Variants in COL5A1 observed in about 807,000 individuals in gnomAD.
The protein encoded by COL5A1 is collagen alpha-1(V) chain.
Under a neutral mutation model 263.7 loss-of-function variants are expected in COL5A1, and 16 were observed. That is an observed-to-expected ratio of 0.06 (90% CI 0.04 to 0.09). The LOEUF is 0.09. Among genes scored for constraint, COL5A1 ranks in the 10% least tolerant of loss-of-function variants. COL5A1 has a pLI of 1.00. For missense variants in COL5A1, 2,036 were observed against 2,540.5 expected (o/e 0.80, Z 4.27); for synonymous variants, 1,012 against 1,004.5 (o/e 1.01, Z -0.14).
Position 134,662,563 on chromosome 9 carries a change from C to T in COL5A1, c.109+20267C>T, listed in dbSNP as rs4841921. On this transcript the variant is annotated intron_variant, in intron 1 of 65. Coordinates refer to ENST00000371817, the MANE Select transcript of COL5A1 (RefSeq NM_000093.5). ...GAATCTCTCCAGTGGGGACATTCCG[C>T]GCTCCTTGGGTGATGGGAGGCTGAG... Among the ~76,000 whole-genome samples, 1,188 of 152,316 alleles carry T rather than the reference C, an allele frequency of 7.8e-3. 48 individuals are homozygous for T. Among genetic ancestry groups the T allele is most frequent in the Admixed American group, 0.069 (1,060 of 15,304 alleles).
At position 134,824,822 on chromosome 9, in the gene COL5A1, G is replaced by A; in HGVS notation, c.4921G>A (p.Asp1641Asn). Residue 1641 changes from aspartate (D) to asparagine (N), a missense_variant, in exon 62 of 66, where the codon GAC becomes AAC. Asp to Asn is a conservative substitution (Grantham distance 23). Transcript: ENST00000371817. ...TQQNPARTCK[D>N]LQLCHPDFPD... ...GCAGAACCCCGCCCGCACCTGCAAG[G>A]ACCTGCAGCTCTGCCACCCCGACTT... 1 of 1,613,742 alleles carries A rather than the reference G, an allele frequency of 6.2e-7. No homozygotes were observed. The highest frequency in any genetic ancestry group is 8.5e-7 in the Non-Finnish European group (1 of 1,179,998).
chr9:134,811,470 A>C (rs760124667), intron 45 of COL5A1, 22 bp from the exon 46 acceptor site: 3 of 1,613,138 alleles, frequency 1.9e-6, no homozygotes, highest in East Asian at 4.5e-5. Context: ...ATCCTCACCC[A>C]TGGCCGGTTA....
Position 134,806,315 on chromosome 9 carries a change from T to G in COL5A1, c.3366+19T>G. Reference sequence around the variant, plus strand: ...GGCTCCTGTAAGTACTGCCTTGGATTGGGGGAGCCCTTCCCTCAGAGATGC... The same window carrying G: ...GGCTCCTGTAAGTACTGCCTTGGATGGGGGGAGCCCTTCCCTCAGAGATGC... On this transcript the variant is annotated intron_variant, in intron 42 of 65. Transcript: ENST00000371817. 3 of 1,511,064 alleles carry G rather than the reference T, an allele frequency of 2.0e-6. No individual in the cohort carries two copies. Among genetic ancestry groups the G allele is most frequent in the Non-Finnish European group, 2.7e-6 (3 of 1,113,656 alleles). The allele number at this position is 1,511,064 out of a possible 1,614,324, so 93.6% of individuals were successfully genotyped here.
At chr9:134,702,847 T>C (rs958396082) in intron 4 of COL5A1, among the ~76,000 whole-genome samples, 11 of 152,168 alleles carry the variant, frequency 7.2e-5, no homozygotes, top group Non-Finnish European at 1.5e-4. Context: ...GTCTGTAAAA[T>C]GGGATCACAG....
Position 134,802,828 on chromosome 9 carries a change from A to G in COL5A1, c.3007-60A>G, listed in dbSNP as rs1468376104. ...GGGCTGTCCTTAGATTTAGGAAGAG[A>G]TTCTCACTCCCTTGCAAGTCACTCG... On this transcript the variant is annotated intron_variant, in intron 38 of 65. Coordinates refer to ENST00000371817, the MANE Select transcript of COL5A1 (RefSeq NM_000093.5). 1.9e-5 allele frequency: 24 copies of G among 1,268,636 alleles called. No individual in the cohort carries two copies. In the Admixed American group the frequency reaches 4.3e-4, roughly 23 times the overall value. The allele number at this position is 1,268,636 out of a possible 1,614,324, so 78.6% of individuals were successfully genotyped here.
intron 32 of COL5A1, among the ~76,000 whole-genome samples, chr9:134,790,149 G>A (rs1321988758): frequency 6.6e-6 from 1 of 152,216 alleles, no homozygotes; most frequent in African/African-American, 2.4e-5. Context: ...TCTTGGGCCT[G>A]TCCCTCCTGG....
chr9:134,655,568 A>G (rs1433136174), intron 1 of COL5A1, among the ~76,000 whole-genome samples: 3 of 152,058 alleles, frequency 2.0e-5, no homozygotes, highest in African/African-American at 7.2e-5. Flanking sequence ...CACATGTGTA[A>G]ACTGCTAGGA....
At chr9:134,760,938 C>A (rs955320441) in intron 18 of COL5A1, among the ~76,000 whole-genome samples, 4 of 150,766 alleles carry the variant, frequency 2.7e-5, no homozygotes, top group Non-Finnish European at 4.4e-5. Context: ...CATGCACACA[C>A]ATGCATACAC....
At position 134,827,643 on chromosome 9, in the gene COL5A1, G is replaced by T. The variant is rs552574869; in HGVS notation, c.5067+1739G>T. ...CGGCTGGTGTTCACGGCACAGCAGCGTGGGGCTGCTGAGCGACCCCAGGCT... is the reference window on the plus strand; with the variant it reads ...CGGCTGGTGTTCACGGCACAGCAGCTTGGGGCTGCTGAGCGACCCCAGGCT... On this transcript the variant is annotated intron_variant, in intron 63 of 65. Coordinates refer to ENST00000371817, the MANE Select transcript of COL5A1 (RefSeq NM_000093.5). Among the ~76,000 whole-genome samples, 250 of 152,336 alleles carry T rather than the reference G, an allele frequency of 1.6e-3. 1 individual carries two copies. Among genetic ancestry groups the T allele is most frequent in the African/African-American group, 5.8e-3 (241 of 41,590 alleles).
rs73664157 is a variant in COL5A1, at chr9:134,829,806, C to T, written c.5068-170C>T. ...TGACCTCCAGTCTCCCCACAAGGGC[C>T]GGGGCCCTCAGGCTGCACTGAAGGC... On this transcript the variant is annotated intron_variant, in intron 63 of 65. Transcript: ENST00000371817. 0.032 allele frequency among the ~76,000 whole-genome samples: 4,903 copies of T among 152,206 alleles called. 195 individuals carry two copies. The highest frequency in any genetic ancestry group is 0.19 in the East Asian group (954 of 5,148).
In COL5A1 at chr9:134,765,878, C is replaced by T. The variant is rs555688438; in HGVS notation, c.2088+144C>T. 256 of 674,726 alleles carry T rather than the reference C, an allele frequency of 3.8e-4. 1 individual carries two copies. Among genetic ancestry groups the T allele is most frequent in the African/African-American group, 2.8e-3 (153 of 55,494 alleles). 41.8% of individuals were successfully genotyped at this position (674,726 alleles called of 1,614,324 possible). On this transcript the variant is annotated intron_variant, in intron 21 of 65. Coordinates refer to ENST00000371817, the MANE Select transcript of COL5A1 (RefSeq NM_000093.5). This position sits in a 1 kb window ranked among gnomAD's most constrained non-coding sequence, Gnocchi z 5.1. ...GCCTGCTGCCAGTGTGAGGCGTGAG[C>T]GGGACACTGATGTTCAGACGCTGTA... is the stretch of plus-strand genomic sequence containing the variant.
chr9:134,745,586 G>A (rs1179128919), intron 11 of COL5A1, among the ~76,000 whole-genome samples: 1 of 152,160 alleles, frequency 6.6e-6, no homozygotes, highest in Non-Finnish European at 1.5e-5. Flanking sequence ...CTTCTTGATA[G>A]GGCCCCGCTT....
In COL5A1 at chr9:134,784,843, T is replaced by C. The variant is rs7865186; in HGVS notation, c.2485-146T>C. ...GTCAGTGGCTCCGGGAGCAGCTCCG[T>C]GGTCTGAGTGAGGCCGAGCTGGTGG... On this transcript the variant is annotated intron_variant, in intron 29 of 65. Coordinates refer to ENST00000371817, the MANE Select transcript of COL5A1 (RefSeq NM_000093.5). The C allele has an allele frequency of 0.081, 54,299 of 671,712 alleles. 3,030 individuals are homozygous for C. Among genetic ancestry groups the C allele is most frequent in the African/African-American group, 0.2 (10,994 of 55,844 alleles). The allele number at this position is 671,712 out of a possible 1,614,324, so 41.6% of individuals were successfully genotyped here.
intron 9 of COL5A1, among the ~76,000 whole-genome samples, chr9:134,736,603 G>A (rs2132651860): frequency 6.6e-6 from 1 of 152,290 alleles, no homozygotes; most frequent in East Asian, 1.9e-4. Context: ...TTCTGTCCCA[G>A]CCCCCAAATT....
chr9:134,776,918 G>A (rs1837075213), intron 27 of COL5A1, among the ~76,000 whole-genome samples: 1 of 152,160 alleles, frequency 6.6e-6, no homozygotes, highest in African/African-American at 2.4e-5. Context: ...GCACCCTGGG[G>A]CCTCTGGTAA....
chr9:134,745,186 G>T (rs1407251495), intron 11 of COL5A1, among the ~76,000 whole-genome samples: 3 of 152,266 alleles, frequency 2.0e-5, no homozygotes, highest in Admixed American at 2.0e-4. Context: ...GAGGCAGTGT[G>T]TGTCTCCCAA....
rs1482813249 is a variant in COL5A1 at position 134,686,060 on chromosome 9, A to G, written c.110-4852A>G. Among the ~76,000 whole-genome samples the G allele has an allele frequency of 6.6e-6, 1 of 152,124 alleles. No individual in the cohort carries two copies. Among genetic ancestry groups the G allele is most frequent in the African/African-American group, 2.4e-5 (1 of 41,422 alleles). On this transcript the variant is annotated intron_variant, in intron 1 of 65. Coordinates refer to ENST00000371817, the MANE Select transcript of COL5A1 (RefSeq NM_000093.5). This position sits in a 1 kb window ranked among gnomAD's most constrained non-coding sequence, Gnocchi z 4.6. ...TCCACCATTCATTTATCCACTATCC[A>G]TCCATTCATCCGTCCATCCTGCATG... is the stretch of plus-strand genomic sequence containing the variant.
chr9:134,765,744 A>G lies in COL5A1; in HGVS notation c.2088+10A>G. 6.2e-7 allele frequency: 1 copy of G among 1,611,450 alleles called. No individual in the cohort carries two copies. ...TCCTCCCGGACCTCCCGTAAGTCCCATTACCGCCCTGCTTGTCTGCCCCCA... is the reference window on the plus strand; with the variant it reads ...TCCTCCCGGACCTCCCGTAAGTCCCGTTACCGCCCTGCTTGTCTGCCCCCA... On this transcript the variant is annotated intron_variant, in intron 21 of 65. Transcript: ENST00000371817. The surrounding 1 kb of genome is among the most constrained non-coding windows in gnomAD (Gnocchi z 5.1).
intron 27 of COL5A1, among the ~76,000 whole-genome samples, chr9:134,777,149 G>A (rs568238219): frequency 5.5e-4 from 84 of 152,366 alleles, no homozygotes; most frequent in Middle Eastern, 3.4e-3. Context: ...AGGGGCACCT[G>A]TTTAAGCTTG....
Sources: allele counts gnomAD v4.1 joint callset (sites outside exome capture counted in the v4.1 genomes callset), GRCh38; gene constraint gnomAD v4.1.1; non-coding constraint Gnocchi (gnomAD v3.1); transcripts MANE v1.5; gene names NCBI Gene and HGNC (gene_info 2026-07-23, HGNC 2026-07-21).